Variants in MLIP observed in about 807,000 individuals in gnomAD.
MLIP encodes muscular LMNA interacting protein, also known as muscular LMNA-interacting protein.
MLIP carries 79 observed loss-of-function variants against 84.8 expected under a neutral mutation model. That is an observed-to-expected ratio of 0.93 (90% confidence interval 0.78 to 1.12). The LOEUF (loss-of-function observed/expected upper bound fraction) is 1.12. Among genes scored for constraint, MLIP ranks in the 50% most tolerant of loss-of-function variants. The probability of loss-of-function intolerance (pLI) is 0.00; values close to 1 mark genes in which losing one functional copy is unlikely to be tolerated. For missense variants in MLIP, 1,257 were observed against 1,160.6 expected (o/e 1.08, Z -1.21); for synonymous variants, 504 against 463.0 (o/e 1.09, Z -1.14).
At chr6:54,230,542 G>C (rs1194283675) in intron 11 of MLIP, among the ~76,000 whole-genome samples, 172 bp from the exon 12 acceptor site, 2 of 152,292 alleles carry the variant, frequency 1.3e-5, no homozygotes, top group East Asian at 1.9e-4. Flanking sequence ...TTTTGAAAGA[G>C]ACACACAATA....
intron 1 of MLIP, among the ~76,000 whole-genome samples, chr6:54,054,703 A>C (rs1441852157): frequency 6.6e-6 from 1 of 152,204 alleles, no homozygotes; most frequent in Non-Finnish European, 1.5e-5. Flanking sequence ...TATCATGTGC[A>C]AGATAACATT....
At chr6:54,036,833 C>T (rs1219292366) in intron 1 of MLIP, among the ~76,000 whole-genome samples, 1 of 151,956 alleles carries the variant, frequency 6.6e-6, no homozygotes, top group East Asian at 1.9e-4. Flanking sequence ...TGGAAGGTTC[C>T]AGGCTGGCTG....
chr6:54,045,978 G>A (rs1367358977), intron 1 of MLIP: 1 of 152,184 alleles, frequency 6.6e-6, no homozygotes, highest in Non-Finnish European at 1.5e-5. Context: ...AGCAGTGCGA[G>A]AATGGACTAA....
intron 12 of MLIP, among the ~76,000 whole-genome samples, chr6:54,249,981 G>A (rs958258297): frequency 1.3e-5 from 2 of 151,868 alleles, no homozygotes; most frequent in African/African-American, 4.8e-5. Flanking sequence ...CCCAGTGTCT[G>A]TTCCCTTTTA....
In MLIP at chr6:54,230,768, C is replaced by T; in HGVS notation, c.2773C>T (p.Leu925Phe). ...GCTCCATCCTTTATATCAGACTAAACTCTATCCTCCTGCTAAGTCACTGCT... is the reference window on the plus strand; with the variant it reads ...GCTCCATCCTTTATATCAGACTAAATTCTATCCTCCTGCTAAGTCACTGCT... The part of the protein sequence containing the change: ...VSLHPLYQTK[L>F]YPPAKSLLHP... The change falls in exon 12 of 14, where the codon CTC becomes TTC. Residue 925 changes from leucine to phenylalanine, a missense_variant. Leu to Phe is a conservative substitution (Grantham distance 22). Coordinates refer to ENST00000502396, the MANE Select transcript of MLIP (RefSeq NM_001281747.2). 3.7e-6 allele frequency: 6 copies of T among 1,614,154 alleles called. No homozygotes were observed. Among genetic ancestry groups the T allele is most frequent in the Non-Finnish European group, 5.1e-6 (6 of 1,180,014 alleles).
At chr6:54,041,107 C>T (rs557346225) in intron 1 of MLIP, 2 of 152,112 alleles carry the variant, frequency 1.3e-5, no homozygotes, top group South Asian at 4.1e-4. Context: ...GTCATGGAGA[C>T]AAAATATGAA....
At chr6:54,135,023 A>C (rs967774609) in intron 3 of MLIP, among the ~76,000 whole-genome samples, 1 of 152,116 alleles carries the variant, frequency 6.6e-6, no homozygotes. Flanking sequence ...TTACCCTAAA[A>C]GAACAATTTC....
intron 9 of MLIP, among the ~76,000 whole-genome samples, chr6:54,185,448 G>A (rs1323749240): frequency 6.6e-6 from 1 of 152,134 alleles, no homozygotes; most frequent in Admixed American, 6.5e-5. Flanking sequence ...ATTATGTCAT[G>A]ATTCCCAATG....
intron 10 of MLIP, among the ~76,000 whole-genome samples, chr6:54,197,684 C>T (rs147605974): frequency 3.3e-4 from 50 of 152,124 alleles, no homozygotes; most frequent in African/African-American, 8.9e-4. Context: ...CATCATTAGA[C>T]GGCCATTTGC....
At chr6:54,115,463 A>T (rs1189663259) in intron 1 of MLIP, among the ~76,000 whole-genome samples, 1 of 152,200 alleles carries the variant, frequency 6.6e-6, no homozygotes, top group Non-Finnish European at 1.5e-5. Flanking sequence ...GTATGGAGCG[A>T]TAAAAAGTGA....
intron 11 of MLIP, among the ~76,000 whole-genome samples, chr6:54,205,490 G>A (rs1201606792): frequency 5.3e-5 from 8 of 152,218 alleles, no homozygotes. Flanking sequence ...TTTCCTAGCA[G>A]CTTCACTGCC....
chr6:54,238,337 C>G (rs1460852760), intron 12 of MLIP, among the ~76,000 whole-genome samples: 3 of 152,172 alleles, frequency 2.0e-5, no homozygotes, highest in Admixed American at 2.0e-4. Context: ...ATCTTCTACT[C>G]TCATAATTTC....
chr6:54,138,356 G>T lies in MLIP; in HGVS notation c.2217+70G>T, dbSNP rs1024049010. ...GAAGAATCTTTTTTTTTTCCCCAAG[G>T]CAGAAATCAATAATTATAGTATTAA... On this transcript the variant is annotated intron_variant, in intron 4 of 13. Transcript: ENST00000502396. The T allele has an allele frequency of 2.1e-6, 3 of 1,447,276 alleles. No individual in the cohort carries two copies. The African/African-American group carries it at 4.3e-5, about 21-fold the overall frequency. The allele number at this position is 1,447,276 out of a possible 1,614,324, so 89.7% of individuals were successfully genotyped here.
chr6:54,152,703 A>G (rs1773577274), intron 5 of MLIP, among the ~76,000 whole-genome samples: 1 of 152,136 alleles, frequency 6.6e-6, no homozygotes, highest in Non-Finnish European at 1.5e-5. Flanking sequence ...CTTGATGTGT[A>G]CTGTCTTTTT....
intron 8 of MLIP, among the ~76,000 whole-genome samples, chr6:54,165,570 CAG>C (rs1033778362): frequency 6.6e-6 from 1 of 151,794 alleles, no homozygotes; most frequent in Non-Finnish European, 1.5e-5. Context: ...TACGTAAAAA[CAG>C]AACAAAACAA....
chr6:54,150,284 GC>G (rs1773307017), intron 5 of MLIP, among the ~76,000 whole-genome samples: 1 of 152,160 alleles, frequency 6.6e-6, no homozygotes, highest in African/African-American at 2.4e-5. Context: ...AGGAAAATCT[GC>G]AGCTTTTTCC....
At chr6:54,153,473 C>T (rs921951547) in intron 5 of MLIP, among the ~76,000 whole-genome samples, 1 of 151,912 alleles carries the variant, frequency 6.6e-6, no homozygotes, top group African/African-American at 2.4e-5. Context: ...AGCTAAGTTG[C>T]CTATTTAATT....
intron 1 of MLIP, among the ~76,000 whole-genome samples, chr6:54,054,989 G>A (rs1003566186): frequency 2.0e-5 from 3 of 151,758 alleles, no homozygotes; most frequent in African/African-American, 4.8e-5. Flanking sequence ...CTGGGTTCAC[G>A]CCATTCTCCT....
At chr6:54,107,233 C>G (rs1769081671), upstream of MLIP, among the ~76,000 whole-genome samples, 1 of 152,154 alleles carries the variant, frequency 6.6e-6, no homozygotes, top group Non-Finnish European at 1.5e-5. Flanking sequence ...GGAGGACATA[C>G]TCCAAGGAGA....
Sources: gnomAD v4.1 joint callset for allele counts (sites outside exome capture counted in the v4.1 genomes callset) on GRCh38, gnomAD v4.1.1 for gene constraint, MANE v1.5 for transcripts, NCBI Gene and HGNC (gene_info 2026-07-23, HGNC 2026-07-21) for gene names.